Variants in ZFAND3 observed in about 807,000 individuals in gnomAD.
The protein encoded by ZFAND3 is zinc finger AN1-type containing 3.
In ZFAND3, 10 loss-of-function variants were observed where a neutral mutation model predicts 29.6. The observed-to-expected ratio is 0.34, with a 90% confidence interval of 0.21 to 0.57. The LOEUF (loss-of-function observed/expected upper bound fraction) is 0.57, where lower values mean the gene tolerates loss of function less well. Ranked by LOEUF, ZFAND3 falls within the 20% of genes least tolerant of loss-of-function variation. The probability of loss-of-function intolerance (pLI) is 0.86; values close to 1 mark genes in which losing one functional copy is unlikely to be tolerated. For missense variants in ZFAND3, 230 were observed against 304.5 expected, an observed-to-expected ratio of 0.76 and a Z score of 1.82; for synonymous variants, 128 against 112.6, an observed-to-expected ratio of 1.14 and a Z score of -0.87.
At chr6:37,881,919 T>C (rs1261404665) in intron 1 of ZFAND3, among the ~76,000 whole-genome samples, 1 of 152,208 alleles carries the variant, frequency 6.6e-6, no homozygotes, top group Non-Finnish European at 1.5e-5. Context: ...AAAACATTCC[T>C]GTATAATCAC....
At chr6:37,924,249 A>T (rs1761439229) in intron 1 of ZFAND3, among the ~76,000 whole-genome samples, 1 of 146,912 alleles carries the variant, frequency 6.8e-6, no homozygotes, top group Non-Finnish European at 1.5e-5. Context: ...GGAATTGTGG[A>T]GAACCTGTCT....
At chr6:37,923,983 TG>T (rs1347191759) in intron 1 of ZFAND3, among the ~76,000 whole-genome samples, 1 of 152,208 alleles carries the variant, frequency 6.6e-6, no homozygotes, top group African/African-American at 2.4e-5. Context: ...TTTTACTTTT[TG>T]TTTTTTTTTC....
chr6:38,133,102 A>C lies in ZFAND3; in HGVS notation c.529+16363A>C, dbSNP rs954814273. ...CACAAAACCTGGTGTCTTTTTTAACAAAACCCTTCATCTGGTGATCTCCCC... is the reference window on the plus strand; with the variant it reads ...CACAAAACCTGGTGTCTTTTTTAACCAAACCCTTCATCTGGTGATCTCCCC... On this transcript the variant is annotated intron_variant, in intron 5 of 5. Transcript: ENST00000287218. Among the ~76,000 whole-genome samples, 4 of 152,308 alleles carry C rather than the reference A, an allele frequency of 2.6e-5. No homozygotes were observed. The South Asian group carries it at 8.3e-4, about 32-fold the overall frequency.
chr6:37,833,693 G>A (rs9462367), intron 1 of ZFAND3, among the ~76,000 whole-genome samples: 4,492 of 151,900 alleles, frequency 0.03, 172 homozygotes, highest in African/African-American at 0.085. Flanking sequence ...GGGCGTGGTG[G>A]CGAGCGTCTG....
chr6:38,025,742 C>G (rs1763435181), intron 2 of ZFAND3, among the ~76,000 whole-genome samples: 1 of 152,142 alleles, frequency 6.6e-6, no homozygotes, highest in African/African-American at 2.4e-5. Context: ...TGAAAACTTT[C>G]ATGCTGTGTA....
Position 37,885,763 on chromosome 6 carries a change from G to A in ZFAND3, c.72-44196G>A, listed in dbSNP as rs1020893562. The stretch of plus-strand genomic sequence containing the variant: ...CTTGAGATTACTCCTTTAAAAGACA[G>A]CACTTAATTGGGCATAGAATTTGTT... On this transcript the variant is annotated intron_variant, in intron 1 of 5. Transcript: ENST00000287218. Among the ~76,000 whole-genome samples, 6 of 152,176 alleles carry A rather than the reference G, an allele frequency of 3.9e-5. No homozygotes were observed. The East Asian group carries it at 1.2e-3, about 30-fold the overall frequency.
intron 4 of ZFAND3, among the ~76,000 whole-genome samples, chr6:38,097,816 G>A (rs1765012409): frequency 6.6e-6 from 1 of 152,088 alleles, no homozygotes; most frequent in Non-Finnish European, 1.5e-5. Flanking sequence ...AAAGAACTTA[G>A]AGATGGAATC....
At chr6:38,109,122 A>C (rs1765264467) in intron 4 of ZFAND3, among the ~76,000 whole-genome samples, 1 of 152,112 alleles carries the variant, frequency 6.6e-6, no homozygotes, top group African/African-American at 2.4e-5. Context: ...ACAGATTAGA[A>C]AGAAGAGTTA....
intron 1 of ZFAND3, among the ~76,000 whole-genome samples, chr6:37,881,452 A>G (rs1348175459): frequency 6.6e-6 from 1 of 152,190 alleles, no homozygotes; most frequent in Non-Finnish European, 1.5e-5. Flanking sequence ...TATTAATGCC[A>G]GAGATCTGGA....
At chr6:38,088,999 G>A (rs766649618) in intron 4 of ZFAND3, among the ~76,000 whole-genome samples, 15 of 141,902 alleles carry the variant, frequency 1.1e-4, no homozygotes, top group African/African-American at 1.8e-4. Flanking sequence ...CCCTATTTTC[G>A]GTCACCTGTT....
intron 5 of ZFAND3, among the ~76,000 whole-genome samples, chr6:38,144,227 A>ATTTTTTTTTTT: frequency 2.5e-5 from 2 of 80,136 alleles, no homozygotes; most frequent in East Asian, 7.2e-4. Context: ...TAATATATAT[A>ATTTTTTTTTTT]TATATTTTTT....
chr6:38,098,525 G>A (rs1273824093), intron 4 of ZFAND3, among the ~76,000 whole-genome samples: 2 of 148,888 alleles, frequency 1.3e-5, no homozygotes, highest in Non-Finnish European at 3.0e-5. Context: ...TTTTGAGACA[G>A]AGTCTCGCTC....
chr6:38,004,047 C>G (rs987111803), intron 2 of ZFAND3, among the ~76,000 whole-genome samples: 111 of 152,176 alleles, frequency 7.3e-4, no homozygotes, highest in African/African-American at 2.4e-3. Flanking sequence ...TGGCCAAATC[C>G]CATTATCCAG....
intron 2 of ZFAND3, among the ~76,000 whole-genome samples, chr6:37,945,841 A>G (rs1218239631): frequency 1.3e-5 from 2 of 152,198 alleles, no homozygotes; most frequent in African/African-American, 4.8e-5. Flanking sequence ...TTTGGTGTCA[A>G]TACTCTGAGT....
chr6:37,893,042 TAC>T (rs144349192), intron 1 of ZFAND3, among the ~76,000 whole-genome samples: 3 of 151,528 alleles, frequency 2.0e-5, no homozygotes, highest in Admixed American at 6.6e-5. Context: ...ATACCAGTTC[TAC>T]ACACACACAC....
chr6:37,880,173 A>T (rs945643192), intron 1 of ZFAND3, among the ~76,000 whole-genome samples: 1 of 152,164 alleles, frequency 6.6e-6, no homozygotes, highest in Non-Finnish European at 1.5e-5. Context: ...AAAAACTCAC[A>T]CTCTGGCTGT....
intron 3 of ZFAND3, among the ~76,000 whole-genome samples, chr6:38,080,248 A>G (rs992256416): frequency 6.6e-6 from 1 of 151,918 alleles, no homozygotes; most frequent in Non-Finnish European, 1.5e-5. Context: ...TGGCACGTGT[A>G]TACCTATGTA....
intron 2 of ZFAND3, among the ~76,000 whole-genome samples, chr6:38,060,214 T>C (rs73419930): frequency 0.088 from 13,462 of 152,204 alleles, 778 homozygotes; most frequent in East Asian, 0.29. Context: ...ACCAGTCCCC[T>C]GTGTATACTA....
chr6:37,864,618 A>AT (rs1383293862), intron 1 of ZFAND3, among the ~76,000 whole-genome samples: 2 of 152,080 alleles, frequency 1.3e-5, no homozygotes, highest in African/African-American at 4.8e-5. Flanking sequence ...GGACATAGCC[A>AT]TTTTTGTATG....
Sources: allele counts gnomAD v4.1 joint callset (sites outside exome capture counted in the v4.1 genomes callset), GRCh38; gene constraint gnomAD v4.1.1; transcripts MANE v1.5; gene names NCBI Gene and HGNC (gene_info 2026-07-23, HGNC 2026-07-21).